Variants in PROCR observed in about 807,000 individuals in gnomAD.
The protein encoded by PROCR is protein C receptor.
PROCR carries 22 observed loss-of-function variants against 24.2 expected under a neutral mutation model. That is an observed-to-expected ratio of 0.91 (90% CI 0.65 to 1.30). The LOEUF (loss-of-function observed/expected upper bound fraction) is 1.30. PROCR is among the 50% of genes most tolerant of loss of function. The pLI is 0.00. For synonymous variants in PROCR, 137 were observed against 139.2 expected (o/e 0.98, Z 0.11); for missense variants, 288 against 307.7 (o/e 0.94, Z 0.48).
chr20:35,210,875 A>C (rs2060360510), intron 1 of PROCR, among the ~76,000 whole-genome samples: 1 of 151,572 alleles, frequency 6.6e-6, no homozygotes, highest in Non-Finnish European at 1.5e-5. Flanking sequence ...ACTGTGCCTG[A>C]CTAATTTTTG....
chr20:35,210,692 C>A (rs563794824), intron 1 of PROCR, among the ~76,000 whole-genome samples: 3 of 151,268 alleles, frequency 2.0e-5, no homozygotes, highest in East Asian at 1.9e-4. Context: ...CAGATATATG[C>A]CTTTCTTTCT....
At chr20:35,185,962 A>T (rs1033782139) in intron 1 of PROCR, among the ~76,000 whole-genome samples, 2 of 152,370 alleles carry the variant, frequency 1.3e-5, no homozygotes, top group Non-Finnish European at 2.9e-5. Context: ...GAACCCTCAT[A>T]CATTGCTGGT....
At chr20:35,204,142 C>G (rs186227819) in intron 1 of PROCR, among the ~76,000 whole-genome samples, 1 of 152,096 alleles carries the variant, frequency 6.6e-6, no homozygotes, top group Non-Finnish European at 1.5e-5. Context: ...GAGAATATTA[C>G]AAACAACTCT....
intron 2 of PROCR, 62 bp from the exon 3 acceptor site, chr20:35,176,106 G>A: frequency 6.5e-7 from 1 of 1,547,944 alleles, no homozygotes. Context: ...CCCTTGGTGG[G>A]CCTCGCCCCA....
At chr20:35,191,238 G>T (rs2086170814) in intron 1 of PROCR, among the ~76,000 whole-genome samples, 1 of 152,054 alleles carries the variant, frequency 6.6e-6, no homozygotes, top group Admixed American at 6.6e-5. Flanking sequence ...ACCTGCTATT[G>T]TTCTTCTGGA....
At chr20:35,199,730 A>G (rs1215332063) in intron 1 of PROCR, among the ~76,000 whole-genome samples, 1 of 150,658 alleles carries the variant, frequency 6.6e-6, no homozygotes, top group Non-Finnish European at 1.5e-5. Context: ...CCTGGGCAAC[A>G]TAGTGAGACT....
chr20:35,190,384 G>T (rs2086163490), intron 1 of PROCR, among the ~76,000 whole-genome samples: 1 of 152,168 alleles, frequency 6.6e-6, no homozygotes, highest in African/African-American at 2.4e-5. Context: ...AGACATTTCT[G>T]TTCTTTTTCT....
At chr20:35,171,199 CT>C (rs1277464159), upstream of PROCR, among the ~76,000 whole-genome samples, 1 of 152,164 alleles carries the variant, frequency 6.6e-6, no homozygotes, top group Non-Finnish European at 1.5e-5. Flanking sequence ...GACTTTAAAG[CT>C]TTTCTACTTG....
At chr20:35,176,079 C>G in intron 2 of PROCR, 89 bp from the exon 3 acceptor site, 1 of 1,438,178 alleles carries the variant, frequency 7.0e-7, no homozygotes, top group Non-Finnish European at 9.7e-7. Context: ...TGACTCTTGC[C>G]TTCTCATGTT....
intron 1 of PROCR, among the ~76,000 whole-genome samples, chr20:35,194,403 C>T (rs1177132864): frequency 6.6e-6 from 1 of 152,080 alleles, no homozygotes; most frequent in Non-Finnish European, 1.5e-5. Flanking sequence ...TGTACACTTA[C>T]AGGGATAATC....
intron 1 of PROCR, among the ~76,000 whole-genome samples, chr20:35,206,035 T>C (rs1181336349): frequency 6.6e-6 from 1 of 150,676 alleles, no homozygotes; most frequent in Non-Finnish European, 1.5e-5. Context: ...TTAAAAAATT[T>C]TATTTTATTT....
chr20:35,214,147 AACC>A, intron 1 of PROCR, among the ~76,000 whole-genome samples: 1 of 152,268 alleles, frequency 6.6e-6, no homozygotes, highest in South Asian at 2.1e-4. Context: ...CCTGTCCTCA[AACC>A]ACTTAAGCTT....
downstream of PROCR, among the ~76,000 whole-genome samples, chr20:35,178,418 A>C (rs2086043958): frequency 6.8e-6 from 1 of 146,924 alleles, no homozygotes; most frequent in African/African-American, 2.5e-5. Context: ...TAATTCTAAA[A>C]AAAAAAAAAA....
intron 1 of PROCR, among the ~76,000 whole-genome samples, chr20:35,205,546 G>A (rs149885045): frequency 0.04 from 5,952 of 149,778 alleles, 156 homozygotes; most frequent in Non-Finnish European, 0.062. Context: ...GAGGTCCAGA[G>A]TTCAAGACCA....
chr20:35,189,772 C>T (rs199757749), intron 1 of PROCR, among the ~76,000 whole-genome samples: 11 of 152,306 alleles, frequency 7.2e-5, no homozygotes, highest in East Asian at 5.8e-4. Context: ...AAAGAACCCA[C>T]GTTGAAATAT....
Position 35,177,328 on chromosome 20 carries a change from T to A in PROCR, c.*515T>A. The A allele has an allele frequency of 1.0e-6, 1 of 980,554 alleles. No homozygotes were observed. The highest frequency in any genetic ancestry group is 1.2e-6 in the Non-Finnish European group (1 of 825,506). 60.7% of individuals were successfully genotyped at this position (980,554 alleles called of 1,614,324 possible). A position where few individuals can be genotyped will look rare whatever the true frequency, so the allele number is the denominator to read the frequency against. ...ATGGCAGTGATCAATTATTAATCAA[T>A]TAATAATATTAATAAATTTCTTATA... On this transcript the variant is annotated 3_prime_UTR_variant, in exon 4 of 4. Transcript: ENST00000216968.
At chr20:35,208,823 T>G (rs2060351463) in intron 1 of PROCR, among the ~76,000 whole-genome samples, 1 of 151,950 alleles carries the variant, frequency 6.6e-6, no homozygotes. Context: ...AATACTAAAA[T>G]TAGCCGGGCA....
chr20:35,206,474 C>CAAAAAAAAAAAAA, intron 1 of PROCR, among the ~76,000 whole-genome samples: 1 of 68,742 alleles, frequency 1.5e-5, no homozygotes, highest in Admixed American at 1.9e-4. Context: ...GACTCTATCT[C>CAAAAAAAAAAAAA]AAAAAAAAAA....
At position 35,174,942 on chromosome 20, in the gene PROCR, G is replaced by T; in HGVS notation, c.311G>T (p.Arg104Leu). 1 of 1,569,274 alleles carries T rather than the reference G, an allele frequency of 6.4e-7. No individual in the cohort carries two copies. Among genetic ancestry groups the T allele is most frequent in the African/African-American group, 1.4e-5 (1 of 73,710 alleles). Residue 104 changes from arginine to leucine, a missense_variant, in exon 2 of 4, where the codon CGG (arginine) becomes CTG (leucine). By Grantham distance (102) the Arg-to-Leu change is moderately radical (BLOSUM62 -2). Transcript: ENST00000216968. Reference sequence around the variant, plus strand: ...CTCGTGCGCCTGGTGCACCAGGAGCGGACCTTGGCCTGTGAGTAGGCGCGC... The same window carrying T: ...CTCGTGCGCCTGGTGCACCAGGAGCTGACCTTGGCCTGTGAGTAGGCGCGC... ...HGLVRLVHQE[R>L]TLAFPLTIRC...
Sources: gnomAD v4.1 joint callset for allele counts (sites outside exome capture counted in the v4.1 genomes callset) on GRCh38, gnomAD v4.1.1 for gene constraint, MANE v1.5 for transcripts, NCBI Gene and HGNC (gene_info 2026-07-23, HGNC 2026-07-21) for gene names.